PRRG1: variants seen among roughly 807,000 people sequenced by gnomAD.
The protein encoded by PRRG1 is proline rich and Gla domain 1, also known as transmembrane gamma-carboxyglutamic acid protein 1.
Under a neutral mutation model 11.8 loss-of-function variants are expected in PRRG1, and 5 were observed. That is an observed-to-expected ratio of 0.42 (90% CI 0.22 to 0.89). The LOEUF (loss-of-function observed/expected upper bound fraction) is 0.89, where lower values mean the gene tolerates loss of function less well. PRRG1 is among the 40% of genes least tolerant of loss of function. The pLI is 0.28. For synonymous variants in PRRG1, 66 were observed against 60.4 expected, an observed-to-expected ratio of 1.09 and a Z score of -0.43; for missense variants, 155 against 166.1, an observed-to-expected ratio of 0.93 and a Z score of 0.37.
chrX:37,396,978 A>C (rs1931738840), intron 1 of PRRG1, among the ~76,000 whole-genome samples: 1 of 112,098 alleles, frequency 8.9e-6, no homozygotes, highest in Admixed American at 9.4e-5. Context: ...CCTCGGGGGA[A>C]AATTGCCTCC....
chrX:37,453,645 A>G lies in PRRG1; in HGVS notation c.*24A>G, dbSNP rs1373343002. 3 of 1,132,177 alleles carry G rather than the reference A, an allele frequency of 2.6e-6. No homozygotes were observed. The highest frequency in any genetic ancestry group is 3.5e-6 in the Non-Finnish European group (3 of 856,285). 93.3% of individuals were successfully genotyped at this position (1,132,177 alleles called of 1,213,427 possible). ...GAAGCTGCAAACTTCTTTTTACTCT[A>G]ATCATTTTTAAAATACTAATGGAAG... is the stretch of plus-strand genomic sequence containing the variant. On this transcript the variant is annotated 3_prime_UTR_variant, in exon 4 of 4. Transcript: ENST00000378628.
At chrX:37,376,549 G>GCATATATATATATATATATATATATATA (rs1930948401) in intron 1 of PRRG1, among the ~76,000 whole-genome samples, 1 of 16,019 alleles carries the variant, frequency 6.2e-5, no homozygotes, top group African/African-American at 8.8e-5. Context: ...AGAAATGTGA[G>GCATATATATATATATATATATATATATA]TGTATATATA....
intron 1 of PRRG1, among the ~76,000 whole-genome samples, chrX:37,404,159 T>C (rs1932117760): frequency 8.9e-6 from 1 of 111,808 alleles, no homozygotes; most frequent in Non-Finnish European, 1.9e-5. Context: ...AAATAAAATA[T>C]GAGAAGTCCT....
At chrX:37,353,290 A>G (rs1930130251) in intron 1 of PRRG1, among the ~76,000 whole-genome samples, 1 of 112,339 alleles carries the variant, frequency 8.9e-6, no homozygotes, top group African/African-American at 3.2e-5. Flanking sequence ...AAACTTATGG[A>G]ATAAGGATAT....
At chrX:37,434,956 G>A (rs1556391565) in intron 3 of PRRG1, among the ~76,000 whole-genome samples, 1 of 112,115 alleles carries the variant, frequency 8.9e-6, no homozygotes, top group African/African-American at 3.2e-5. Flanking sequence ...ACTTTCCACA[G>A]TGGTTGTCTT....
At chrX:37,370,861 A>G (rs1338676875) in intron 1 of PRRG1, among the ~76,000 whole-genome samples, 9 of 111,381 alleles carry the variant, frequency 8.1e-5, no homozygotes, top group African/African-American at 2.9e-4. Flanking sequence ...CACTGTTGCA[A>G]CTGGCCAGGT....
chrX:37,442,810 C>T (rs1556394263), intron 3 of PRRG1, among the ~76,000 whole-genome samples: 1 of 111,124 alleles, frequency 9.0e-6, no homozygotes, highest in Admixed American at 9.6e-5. Flanking sequence ...GGTTGGCTTC[C>T]CCACAAATAT....
chrX:37,453,106 T>G, intron 3 of PRRG1, 30 bp from the exon 4 acceptor site: 1 of 1,142,167 alleles, frequency 8.8e-7, no homozygotes, highest in South Asian at 2.0e-5. Flanking sequence ...TTCATACTGA[T>G]TTTCTATTTA....
At chrX:37,376,816 G>A (rs1930978623) in intron 1 of PRRG1, among the ~76,000 whole-genome samples, 1 of 106,579 alleles carries the variant, frequency 9.4e-6, no homozygotes, top group South Asian at 4.2e-4. Context: ...AGAAACCTTT[G>A]GAGGCTATGA....
intron 2 of PRRG1, among the ~76,000 whole-genome samples, chrX:37,415,445 G>A (rs58046191): frequency 0.019 from 2,112 of 111,532 alleles, 47 homozygotes; most frequent in African/African-American, 0.059. Context: ...TGATTTCATG[G>A]GTGGTTAACA....
At chrX:37,392,500 G>A (rs1931572706) in intron 1 of PRRG1, among the ~76,000 whole-genome samples, 1 of 105,982 alleles carries the variant, frequency 9.4e-6, no homozygotes. Context: ...ACCAGCCTGG[G>A]CAACATGGTA....
At chrX:37,393,298 GTATAA>G (rs71889508) in intron 1 of PRRG1, among the ~76,000 whole-genome samples, 3,892 of 107,603 alleles carry the variant, frequency 0.036, 164 homozygotes, top group African/African-American at 0.12. Context: ...TTATGTTAAT[GTATAA>G]TATATTAATT....
intron 1 of PRRG1, among the ~76,000 whole-genome samples, chrX:37,380,036 AAGG>A (rs1931104763): frequency 9.7e-6 from 1 of 102,766 alleles, no homozygotes; most frequent in South Asian, 4.1e-4. Flanking sequence ...ATACATTTCT[AAGG>A]AGGAGAAGAA....
At chrX:37,438,382 T>A (rs1217623403) in intron 3 of PRRG1, among the ~76,000 whole-genome samples, 4 of 109,280 alleles carry the variant, frequency 3.7e-5, no homozygotes, top group Non-Finnish European at 7.6e-5. Flanking sequence ...TGAGGTGCAG[T>A]TTACATACTA....
intron 1 of PRRG1, among the ~76,000 whole-genome samples, chrX:37,384,899 T>C (rs1399187835): frequency 9.0e-6 from 1 of 111,570 alleles, no homozygotes; most frequent in Admixed American, 9.6e-5. Flanking sequence ...TGAGTAGAGC[T>C]GAATATAGGC....
rs147448101 is a variant in PRRG1 at position 37,439,081 on chromosome X, G to A, written c.171+13081G>A. On this transcript the variant is annotated intron_variant, in intron 3 of 3. Coordinates refer to ENST00000378628, the MANE Select transcript of PRRG1 (RefSeq NM_001142395.2). ...GAATTGCAAAAGAATTTGTAACTTT[G>A]CCATAGCCCTATGTTGTTAGCCCAA... Among the ~76,000 whole-genome samples the A allele has an allele frequency of 5.6e-3, 631 of 111,695 alleles. 4 individuals are homozygous for A. Among genetic ancestry groups the A allele is most frequent in the African/African-American group, 0.018 (543 of 30,723 alleles).
At chrX:37,386,644 A>G (rs1931339796) in intron 1 of PRRG1, 1 of 111,796 alleles carries the variant, frequency 8.9e-6, no homozygotes, top group African/African-American at 3.3e-5. Context: ...CCCAACCCCA[A>G]TCAAGAACCT....
chrX:37,442,001 G>A, intron 3 of PRRG1: 3 of 770,631 alleles, frequency 3.9e-6, no homozygotes, highest in Non-Finnish European at 4.7e-6. Flanking sequence ...TGCAAGACGT[G>A]AGCCCCAGAA....
At chrX:37,433,853 G>A (rs1443124907) in intron 3 of PRRG1, among the ~76,000 whole-genome samples, 1 of 112,232 alleles carries the variant, frequency 8.9e-6, no homozygotes, top group African/African-American at 3.2e-5. Flanking sequence ...CCTTCTTTGT[G>A]CTTTAAAGTT....
Sources: gnomAD v4.1 joint callset for allele counts (sites outside exome capture counted in the v4.1 genomes callset) on GRCh38, gnomAD v4.1.1 for gene constraint, MANE v1.5 for transcripts, NCBI Gene and HGNC (gene_info 2026-07-23, HGNC 2026-07-21) for gene names.